OSBPL6: variants seen among roughly 807,000 people sequenced by gnomAD.
OSBPL6 encodes the protein oxysterol-binding protein-related protein 6.
In OSBPL6, 49 loss-of-function variants were observed where a neutral mutation model predicts 125.8. That is an observed-to-expected ratio of 0.39 (90% CI 0.31 to 0.49). OSBPL6 has a LOEUF of 0.49. Among genes scored for constraint, OSBPL6 ranks in the 20% least tolerant of loss-of-function variants. The pLI is 0.88. For missense variants in OSBPL6, 986 were observed against 1,135.4 expected (o/e 0.87, Z 1.89); for synonymous variants, 394 against 391.8 (o/e 1.01, Z -0.07).
chr2:178,206,664 G>A (rs1190165054), intron 1 of OSBPL6, among the ~76,000 whole-genome samples: 1 of 152,142 alleles, frequency 6.6e-6, no homozygotes, highest in African/African-American at 2.4e-5. Context: ...GCCCAGGCTG[G>A]AGTTCAGTGG....
intron 11 of OSBPL6, among the ~76,000 whole-genome samples, chr2:178,341,141 C>T (rs1248148550): frequency 6.6e-6 from 1 of 152,064 alleles, no homozygotes; most frequent in East Asian, 1.9e-4. Context: ...TTGAAGAAGG[C>T]CTGCATCACA....
At chr2:178,392,807 G>A (rs1190703445) in intron 23 of OSBPL6, among the ~76,000 whole-genome samples, 1 of 149,944 alleles carries the variant, frequency 6.7e-6, no homozygotes, top group Non-Finnish European at 1.5e-5. Flanking sequence ...GCCACAGTGA[G>A]CTATGATTGT....
chr2:178,307,512 T>A (rs1157706881), intron 3 of OSBPL6, among the ~76,000 whole-genome samples: 2 of 152,006 alleles, frequency 1.3e-5, no homozygotes, highest in East Asian at 3.8e-4. Flanking sequence ...TTAGAAGTAG[T>A]CATGCCATTA....
chr2:178,207,246 G>C (rs1386156643), intron 1 of OSBPL6, among the ~76,000 whole-genome samples: 1 of 152,072 alleles, frequency 6.6e-6, no homozygotes, highest in Non-Finnish European at 1.5e-5. Context: ...CTGGTCCTTG[G>C]TGTTCCTTAG....
At chr2:178,308,080 T>G (rs1031586371) in intron 3 of OSBPL6, among the ~76,000 whole-genome samples, 3 of 152,198 alleles carry the variant, frequency 2.0e-5, no homozygotes, top group Non-Finnish European at 4.4e-5. Context: ...AAAGGGTTAT[T>G]ATTCTTTAAG....
At chr2:178,333,746 A>G (rs1689427704) in intron 8 of OSBPL6, among the ~76,000 whole-genome samples, 1 of 152,222 alleles carries the variant, frequency 6.6e-6, no homozygotes, top group African/African-American at 2.4e-5. Flanking sequence ...GTCTTGACCT[A>G]TAATATATAC....
intron 2 of OSBPL6, among the ~76,000 whole-genome samples, chr2:178,296,532 G>A (rs1258302589): frequency 6.6e-6 from 1 of 152,136 alleles, no homozygotes; most frequent in Non-Finnish European, 1.5e-5. Flanking sequence ...ACTGGCAAAT[G>A]TTTAACAATC....
intron 1 of OSBPL6, among the ~76,000 whole-genome samples, chr2:178,260,415 A>G (rs2092021913): frequency 6.6e-6 from 1 of 152,146 alleles, no homozygotes; most frequent in Admixed American, 6.5e-5. Flanking sequence ...GTATATGTGT[A>G]TGTATGTGTC....
chr2:178,215,241 A>G (rs532554834), intron 1 of OSBPL6, among the ~76,000 whole-genome samples: 1 of 152,328 alleles, frequency 6.6e-6, no homozygotes, highest in South Asian at 2.1e-4. Context: ...GTTTTTACCT[A>G]TTCTGCTGAT....
At chr2:178,339,860 C>T (rs930631489) in intron 11 of OSBPL6, 96 bp downstream of exon 11, 1 of 739,806 alleles carries the variant, frequency 1.4e-6, no homozygotes, top group Non-Finnish European at 2.0e-6. Flanking sequence ...GAAAGGGCAA[C>T]TTAACTGCTT....
chr2:178,337,380 A>G (rs1433516667), intron 9 of OSBPL6, among the ~76,000 whole-genome samples: 1 of 152,198 alleles, frequency 6.6e-6, no homozygotes, highest in Non-Finnish European at 1.5e-5. Flanking sequence ...TTACTCTACC[A>G]GCATGTGGAC....
At chr2:178,245,122 T>C (rs535724652) in intron 1 of OSBPL6, among the ~76,000 whole-genome samples, 21 of 152,278 alleles carry the variant, frequency 1.4e-4, no homozygotes, top group African/African-American at 5.1e-4. Flanking sequence ...TCGTTGATAG[T>C]GGGTTTCCAC....
chr2:178,252,395 T>A (rs925031694), intron 1 of OSBPL6, among the ~76,000 whole-genome samples: 1 of 152,160 alleles, frequency 6.6e-6, no homozygotes, highest in Non-Finnish European at 1.5e-5. Context: ...TAAGTGGGCA[T>A]GCTGTATTCC....
intron 1 of OSBPL6, among the ~76,000 whole-genome samples, chr2:178,245,879 A>C (rs887357104): frequency 6.6e-6 from 1 of 152,178 alleles, no homozygotes. Flanking sequence ...CCTAAATTCC[A>C]TAGTACATCC....
At chr2:178,209,439 CTTTTT>C (rs71850875) in intron 1 of OSBPL6, among the ~76,000 whole-genome samples, 3 of 95,744 alleles carry the variant, frequency 3.1e-5, no homozygotes, top group East Asian at 3.1e-4. Context: ...TTCTTTCTTT[CTTTTT>C]TTTTTTTTTT....
intron 9 of OSBPL6, 97 bp from the exon 10 acceptor site, chr2:178,338,894 T>A (rs950932669): frequency 2.9e-5 from 22 of 750,422 alleles, no homozygotes; most frequent in Non-Finnish European, 4.6e-5. Context: ...TGGATCTGCC[T>A]ACTTATATTT....
At chr2:178,375,283 GTGTC>G (rs1693756590) in intron 15 of OSBPL6, among the ~76,000 whole-genome samples, 1 of 152,138 alleles carries the variant, frequency 6.6e-6, no homozygotes, top group Non-Finnish European at 1.5e-5. Flanking sequence ...CTTGGTATTT[GTGTC>G]TGTCTGCCTG....
chr2:178,239,765 A>G (rs1239459438), intron 1 of OSBPL6, among the ~76,000 whole-genome samples: 1 of 151,524 alleles, frequency 6.6e-6, no homozygotes, highest in Non-Finnish European at 1.5e-5. Context: ...AGCTGGGACT[A>G]CAGGTGCCTG....
In OSBPL6 at chr2:178,391,204, C is replaced by T; in HGVS notation, c.2433C>T (p.Cys811=). 15 of 1,606,020 alleles carry T rather than the reference C, an allele frequency of 9.3e-6. No individual in the cohort carries two copies. Among genetic ancestry groups the T allele is most frequent in the Non-Finnish European group, 1.3e-5 (15 of 1,176,800 alleles). The change falls in exon 22 of 25, where the codon TGC becomes TGT. Residue 811 remains cysteine, a synonymous_variant. Coordinates refer to ENST00000190611, the MANE Select transcript of OSBPL6 (RefSeq NM_032523.4). ...GTGGTGTGGCCCCCTCTGCAAAGTGCATTTGGAGACCAGGTGAGAGTGGCC... is the reference window on the plus strand; with the variant it reads ...GTGGTGTGGCCCCCTCTGCAAAGTGTATTTGGAGACCAGGTGAGAGTGGCC... ...LYCGVAPSAK[C]IWRPGSMPTN...
Sources: gnomAD v4.1 joint callset for allele counts (sites outside exome capture counted in the v4.1 genomes callset) on GRCh38, gnomAD v4.1.1 for gene constraint, MANE v1.5 for transcripts, NCBI Gene and HGNC (gene_info 2026-07-23, HGNC 2026-07-21) for gene names.